The following DPYSL2 variants were observed in gnomAD, a reference collection of about 807,000 sequenced individuals.
DPYSL2 encodes dihydropyrimidinase-related protein 2.
DPYSL2 carries 13 observed loss-of-function variants against 69.9 expected under a neutral mutation model. That is an observed-to-expected ratio of 0.19 (90% CI 0.12 to 0.30). DPYSL2 has a LOEUF of 0.30. Among genes scored for constraint, DPYSL2 ranks in the 10% least tolerant of loss-of-function variants. The pLI is 1.00. For synonymous variants in DPYSL2, 326 were observed against 359.1 expected, an observed-to-expected ratio of 0.91 and a Z score of 1.04; for missense variants, 587 against 918.9, an observed-to-expected ratio of 0.64 and a Z score of 4.67.
chr8:26,608,076 CAAAAAAA>C (rs11355802), intron 3 of DPYSL2, among the ~76,000 whole-genome samples: 1 of 73,944 alleles, frequency 1.4e-5, no homozygotes, highest in Non-Finnish European at 3.1e-5. Context: ...GACTCCATCT[CAAAAAAA>C]AAAAAAAAAA....
chr8:26,548,321 C>T (rs1224368903), intron 1 of DPYSL2: 1 of 236,648 alleles, frequency 4.2e-6, no homozygotes, highest in Non-Finnish European at 8.3e-6. Flanking sequence ...TGAGGGCTTT[C>T]TATGCTGAGC....
Position 26,562,201 on chromosome 8 carries a change from GT to G in DPYSL2, c.355-19767del, listed in dbSNP as rs1801083447. ...AGGGCTTGATTCCTGGCTCTGCCAC[GT>G]GTGAGTTTTGGGTCCTGGGGAAAGT... On this transcript the variant is annotated intron_variant, in intron 1 of 13. Coordinates refer to ENST00000521913, the MANE Select transcript of DPYSL2 (RefSeq NM_001197293.3). This position sits in a 1 kb window ranked among gnomAD's most constrained non-coding sequence, Gnocchi z 4.9. 6.6e-5 allele frequency among the ~76,000 whole-genome samples: 10 copies of G among 152,280 alleles called. No individual in the cohort carries two copies. The East Asian group carries it at 1.9e-3, about 29-fold the overall frequency.
chr8:26,628,996 C>T (rs1233811042), intron 7 of DPYSL2, among the ~76,000 whole-genome samples: 4 of 152,150 alleles, frequency 2.6e-5, no homozygotes, highest in South Asian at 4.1e-4. Flanking sequence ...TGTACTGCCT[C>T]GGGTGCAGGA....
chr8:26,542,282 T>C (rs944197277), intron 1 of DPYSL2, among the ~76,000 whole-genome samples: 4 of 152,072 alleles, frequency 2.6e-5, no homozygotes, highest in African/African-American at 7.2e-5. Flanking sequence ...TGAGTGACCT[T>C]GTTTCAAAAA....
At chr8:26,589,247 T>C (rs769704540) in intron 3 of DPYSL2, among the ~76,000 whole-genome samples, 1 of 152,222 alleles carries the variant, frequency 6.6e-6, no homozygotes, top group Non-Finnish European at 1.5e-5. Flanking sequence ...CCTGGGTGCT[T>C]CCCATTCACT....
intron 1 of DPYSL2, among the ~76,000 whole-genome samples, chr8:26,558,958 T>A (rs1211971514): frequency 6.6e-6 from 1 of 152,230 alleles, no homozygotes; most frequent in Non-Finnish European, 1.5e-5. Context: ...TTATTTATTT[T>A]TTGAGACGGA....
intron 7 of DPYSL2, among the ~76,000 whole-genome samples, chr8:26,632,888 C>G (rs758719569): frequency 3.3e-5 from 5 of 152,162 alleles, no homozygotes; most frequent in African/African-American, 4.8e-5. Context: ...TTTCAAGAGC[C>G]CTTTGCTTGG....
chr8:26,529,276 C>CTAT (rs1554531948), intron 1 of DPYSL2, among the ~76,000 whole-genome samples: 1 of 136,288 alleles, frequency 7.3e-6, no homozygotes, highest in Non-Finnish European at 1.6e-5. Context: ...ATCTATCTAT[C>CTAT]ATCTATCTAT....
chr8:26,601,669 G>A (rs919884063), intron 3 of DPYSL2, among the ~76,000 whole-genome samples: 3 of 151,366 alleles, frequency 2.0e-5, no homozygotes, highest in South Asian at 2.1e-4. Flanking sequence ...GAGCCACAGC[G>A]CCTGGGCCCT....
chr8:26,522,647 C>T (rs1808407594), intron 1 of DPYSL2, among the ~76,000 whole-genome samples: 1 of 152,084 alleles, frequency 6.6e-6, no homozygotes, highest in Admixed American at 6.6e-5. Flanking sequence ...TGTGTGTCTT[C>T]TTTGGAGAAA....
chr8:26,595,744 G>A (rs975714623), intron 3 of DPYSL2, among the ~76,000 whole-genome samples: 2 of 152,198 alleles, frequency 1.3e-5, no homozygotes, highest in African/African-American at 2.4e-5. Flanking sequence ...GCAGTGCAGC[G>A]TGGGAGAGGC....
At chr8:26,550,637 T>C (rs1229855661) in intron 1 of DPYSL2, among the ~76,000 whole-genome samples, 2 of 152,158 alleles carry the variant, frequency 1.3e-5, no homozygotes, top group African/African-American at 4.8e-5. Flanking sequence ...AAATGCAGAC[T>C]GATGGGAGAT....
At chr8:26,526,683 C>CTT (rs966706976) in intron 1 of DPYSL2, among the ~76,000 whole-genome samples, 1 of 152,224 alleles carries the variant, frequency 6.6e-6, no homozygotes, top group Non-Finnish European at 1.5e-5. Flanking sequence ...AAAGAATCAT[C>CTT]TTTTAATTGC....
intron 1 of DPYSL2, among the ~76,000 whole-genome samples, chr8:26,522,782 T>C (rs555700224): frequency 6.6e-6 from 1 of 152,376 alleles, no homozygotes; most frequent in South Asian, 2.1e-4. Flanking sequence ...AGATATTTTC[T>C]CCCATTCTGT....
chr8:26,585,619 A>T lies in DPYSL2; in HGVS notation c.628+1636A>T, dbSNP rs1383410131. Among the ~76,000 whole-genome samples the T allele has an allele frequency of 6.6e-6, 1 of 152,126 alleles. No homozygotes were observed. The highest frequency in any genetic ancestry group is 1.5e-5 in the Non-Finnish European group (1 of 68,018). On this transcript the variant is annotated intron_variant, in intron 3 of 13. Transcript: ENST00000521913. The surrounding 1 kb of genome is among the most constrained non-coding windows in gnomAD (Gnocchi z 4.0). ...GCCTGCACCTTGTCATTTGCTGGGG[A>T]ATCACTGGCACCTGTGGGCGTTTCT...
intron 1 of DPYSL2, among the ~76,000 whole-genome samples, chr8:26,569,365 C>CAAAAAAAAAAAAAAAAAAA (rs1261164777): frequency 1.1e-5 from 1 of 88,796 alleles, no homozygotes. Flanking sequence ...AAAAAAAAAA[C>CAAAAAAAAAAAAAAAAAAA]AAAAACAAAA....
rs2129672753 is a variant in DPYSL2 at position 26,565,127 on chromosome 8, G to A, written c.355-16842G>A. Among the ~76,000 whole-genome samples, 1 of 152,236 alleles carries A rather than the reference G, an allele frequency of 6.6e-6. No homozygotes were observed. The highest frequency in any genetic ancestry group is 1.5e-5 in the Non-Finnish European group (1 of 68,022). On this transcript the variant is annotated intron_variant, in intron 1 of 13. Transcript: ENST00000521913. This position sits in a 1 kb window ranked among gnomAD's most constrained non-coding sequence, Gnocchi z 4.1. ...ATCATTCTTTATCATTCTGTTTTAT[G>A]GCTGAGTAGTATTCCAAGGTGTATA...
intron 1 of DPYSL2, among the ~76,000 whole-genome samples, chr8:26,563,965 C>T (rs903213894): frequency 2.6e-5 from 4 of 151,842 alleles, no homozygotes; most frequent in Non-Finnish European, 5.9e-5. Flanking sequence ...GCTTAGGAGA[C>T]AACCTAAGGG....
intron 3 of DPYSL2, among the ~76,000 whole-genome samples, chr8:26,611,711 G>T (rs1192128633): frequency 6.6e-6 from 1 of 152,170 alleles, no homozygotes; most frequent in African/African-American, 2.4e-5. Context: ...AACCAAGTTG[G>T]CTCTCCTTGC....
Sources: allele counts gnomAD v4.1 joint callset (sites outside exome capture counted in the v4.1 genomes callset), GRCh38; gene constraint gnomAD v4.1.1; non-coding constraint Gnocchi (gnomAD v3.1); transcripts MANE v1.5; gene names NCBI Gene and HGNC (gene_info 2026-07-23, HGNC 2026-07-21).